The following MDM2 variants were observed in gnomAD, a reference collection of about 807,000 sequenced individuals.
MDM2 encodes MDM2 proto-oncogene, also known as E3 ubiquitin-protein ligase Mdm2.
In MDM2, 11 loss-of-function variants were observed where a neutral mutation model predicts 64.3. The observed-to-expected ratio is 0.17, with a 90% CI of 0.11 to 0.28. MDM2 has a LOEUF of 0.28. Among genes scored for constraint, MDM2 ranks in the 10% least tolerant of loss-of-function variants. The pLI is 1.00. For missense variants in MDM2, 388 were observed against 577.1 expected, an observed-to-expected ratio of 0.67 and a Z score of 3.36; for synonymous variants, 194 against 192.9, an observed-to-expected ratio of 1.01 and a Z score of -0.05.
At position 68,818,489 on chromosome 12, in the gene MDM2, A is replaced by C. The variant is rs986108933; in HGVS notation, c.308+1544A>C. ...ACTGTGTGTTTTAACCTAGTTATGA[A>C]TATAGTACTATATTTAAATTTCATC... On this transcript the variant is annotated intron_variant, in intron 4 of 10. Coordinates refer to ENST00000258149, the MANE Select transcript of MDM2 (RefSeq NM_002392.6). Among the ~76,000 whole-genome samples, 6 of 149,680 alleles carry C rather than the reference A, an allele frequency of 4.0e-5. No homozygotes were observed. The South Asian group carries it at 1.2e-3, about 31-fold the overall frequency.
intron 5 of MDM2, 63 bp downstream of exon 5, chr12:68,820,437 A>G: frequency 8.4e-7 from 1 of 1,189,000 alleles, no homozygotes; most frequent in Non-Finnish European, 1.2e-6. Flanking sequence ...ATTTTTGTTT[A>G]TGTGCATATG....
At chr12:68,816,657 A>G (rs1486466686) in intron 3 of MDM2, among the ~76,000 whole-genome samples, 155 bp from the exon 4 acceptor site, 1 of 152,142 alleles carries the variant, frequency 6.6e-6, no homozygotes, top group Non-Finnish European at 1.5e-5. Flanking sequence ...GCGCCCAGCC[A>G]AAAGTAGCTT....
intron 8 of MDM2, among the ~76,000 whole-genome samples, chr12:68,833,341 A>G (rs1479059351): frequency 7.6e-6 from 1 of 132,350 alleles, no homozygotes; most frequent in East Asian, 2.0e-4. Flanking sequence ...AAAAATATAT[A>G]TTTATGTAAA....
intron 8 of MDM2, among the ~76,000 whole-genome samples, chr12:68,832,050 A>G (rs1248979353): frequency 6.6e-6 from 1 of 152,204 alleles, no homozygotes. Context: ...AGCCTGGGCA[A>G]CGAGAACGAA....
chr12:68,836,135 G>C, intron 9 of MDM2, 151 bp downstream of exon 9: 1 of 678,910 alleles, frequency 1.5e-6, no homozygotes. Context: ...TTGTGGACTT[G>C]AGGATTTCAT....
intron 4 of MDM2, 39 bp downstream of exon 4, chr12:68,816,984 G>A: frequency 6.2e-7 from 1 of 1,600,720 alleles, no homozygotes; most frequent in Non-Finnish European, 8.5e-7. Context: ...AAGCCATCTG[G>A]GCTAACATTT....
downstream of MDM2, chr12:68,848,786 CA>C (rs1884502934): frequency 6.6e-6 from 1 of 152,194 alleles, no homozygotes; most frequent in African/African-American, 2.4e-5. Flanking sequence ...GATCTCGGCT[CA>C]CTGCAACCTC....
intron 5 of MDM2, among the ~76,000 whole-genome samples, chr12:68,822,756 T>G (rs1881969203): frequency 2.6e-5 from 4 of 152,070 alleles, no homozygotes; most frequent in Non-Finnish European, 5.9e-5. Context: ...CTTTTTTTTT[T>G]TTGAGATGGA....
rs1361578253 is a variant in MDM2, at chr12:68,835,918, A to G, written c.774A>G (p.Glu258=). 1 of 1,613,772 alleles carries G rather than the reference A, an allele frequency of 6.2e-7. No homozygotes were observed. The highest frequency in any genetic ancestry group is 8.5e-7 in the Non-Finnish European group (1 of 1,179,772). The part of the protein sequence containing the change: ...SDQFSVEFEV[E]SLDSEDYSLS... Reference sequence around the variant, plus strand: ...AGTTTAGTGTAGAATTTGAAGTTGAATCTCTCGACTCAGAAGATTATAGCC... The same window carrying G: ...AGTTTAGTGTAGAATTTGAAGTTGAGTCTCTCGACTCAGAAGATTATAGCC... Residue 258 remains glutamate, a synonymous_variant, in exon 9 of 11, where the codon GAA becomes GAG. Coordinates refer to ENST00000258149, the MANE Select transcript of MDM2 (RefSeq NM_002392.6).
At chr12:68,832,859 G>C (rs910444515) in intron 8 of MDM2, among the ~76,000 whole-genome samples, 2 of 151,590 alleles carry the variant, frequency 1.3e-5, no homozygotes, top group African/African-American at 4.8e-5. Flanking sequence ...TGGTGCAGTG[G>C]CTCATGCTTG....
intron 8 of MDM2, among the ~76,000 whole-genome samples, chr12:68,832,544 A>G (rs978969669): frequency 2.6e-5 from 4 of 151,932 alleles, no homozygotes; most frequent in Non-Finnish European, 5.9e-5. Context: ...ACAGTCTCTC[A>G]CTCCGTTGCC....
chr12:68,810,190 TAA>T (rs1183398002), intron 2 of MDM2, among the ~76,000 whole-genome samples: 3 of 151,790 alleles, frequency 2.0e-5, no homozygotes, highest in Admixed American at 2.0e-4. Flanking sequence ...CGCGCGCCTA[TAA>T]TCCCCTGCTG....
In MDM2 at chr12:68,820,121, TTAAAAG is replaced by T. The variant is rs1469266622; in HGVS notation, c.309-201_309-196del. ...TCAGCTAGAGAGACTTTAGTAATTA[TTAAAAG>T]TAGCTGTACATAATCATTGTGCTAC... is the stretch of plus-strand genomic sequence containing the variant. On this transcript the variant is annotated intron_variant, in intron 4 of 10. Coordinates refer to ENST00000258149, the MANE Select transcript of MDM2 (RefSeq NM_002392.6). Among the ~76,000 whole-genome samples, 8 of 152,346 alleles carry T rather than the reference TTAAAAG, an allele frequency of 5.3e-5. No homozygotes were observed. The East Asian group carries it at 1.3e-3, about 26-fold the overall frequency.
Position 68,839,982 on chromosome 12 carries a change from T to A in MDM2, c.*133T>A. 1 of 793,544 alleles carries A rather than the reference T, an allele frequency of 1.3e-6. No homozygotes were observed. Among genetic ancestry groups the A allele is most frequent in the South Asian group, 2.0e-5 (1 of 49,748 alleles). 49.2% of individuals were successfully genotyped at this position (793,544 alleles called of 1,614,324 possible). On this transcript the variant is annotated 3_prime_UTR_variant, in exon 11 of 11. Coordinates refer to ENST00000258149, the MANE Select transcript of MDM2 (RefSeq NM_002392.6). ...CATAGATTTCTTCTCTTTAGTATAATTGACCTACTTTGGTAGTGGAATAGT... is the reference window on the plus strand; with the variant it reads ...CATAGATTTCTTCTCTTTAGTATAAATGACCTACTTTGGTAGTGGAATAGT...
intron 4 of MDM2, among the ~76,000 whole-genome samples, chr12:68,819,381 C>A (rs1881659391): frequency 6.6e-6 from 1 of 152,190 alleles, no homozygotes; most frequent in African/African-American, 2.4e-5. Flanking sequence ...ATTTCTGTTT[C>A]ATTCTTTGTT....
chr12:68,813,584 T>C lies in MDM2; in HGVS notation c.130T>C (p.Leu44=), dbSNP rs1266883224. The change falls in exon 3 of 11, where the codon TTA becomes CTA. Residue 44 remains leucine, a synonymous_variant. Transcript: ENST00000258149. The part of the protein sequence containing the change: ...VRPKPLLLKL[L]KSVGAQKDTY... ...ACCAAAGCCATTGCTTTTGAAGTTA[T>C]TAAAGTCTGTTGGTGCACAAAAAGA... 1.2e-6 allele frequency: 2 copies of C among 1,613,680 alleles called. No homozygotes were observed. Among genetic ancestry groups the C allele is most frequent in the Non-Finnish European group, 8.5e-7 (1 of 1,179,764 alleles).
chr12:68,811,482 C>T (rs1231000325), intron 2 of MDM2, among the ~76,000 whole-genome samples: 2 of 152,156 alleles, frequency 1.3e-5, no homozygotes, highest in Middle Eastern at 3.4e-3. Context: ...AGATCTTCAC[C>T]TGTAATTTAC....
chr12:68,812,119 G>A (rs1880953562), intron 2 of MDM2, among the ~76,000 whole-genome samples: 2 of 151,438 alleles, frequency 1.3e-5, no homozygotes, highest in South Asian at 4.2e-4. Flanking sequence ...AAATTCAGGA[G>A]AAAAAAGGTT....
At chr12:68,839,191 A>T in intron 10 of MDM2, 83 bp from the exon 11 acceptor site, 2 of 1,288,298 alleles carry the variant, frequency 1.6e-6, no homozygotes, top group Non-Finnish European at 2.2e-6. Context: ...ACTTTACCTT[A>T]GACATAGCAA....
Sources: gnomAD v4.1 joint callset for allele counts (sites outside exome capture counted in the v4.1 genomes callset) on GRCh38, gnomAD v4.1.1 for gene constraint, MANE v1.5 for transcripts, NCBI Gene and HGNC (gene_info 2026-07-23, HGNC 2026-07-21) for gene names.